Variants in USP7 observed in about 807,000 individuals in gnomAD.
USP7 encodes the protein ubiquitin specific peptidase 7, also known as ubiquitin C-terminal hydrolase 7.
Under a neutral mutation model 162.9 loss-of-function variants are expected in USP7, and 9 were observed. That is an observed-to-expected ratio of 0.06 (90% CI 0.03 to 0.10). The LOEUF (loss-of-function observed/expected upper bound fraction) is 0.10, where lower values mean the gene tolerates loss of function less well. Among genes scored for constraint, USP7 ranks in the 10% least tolerant of loss-of-function variants. The probability of loss-of-function intolerance (pLI) is 1.00; values close to 1 mark genes in which losing one functional copy is unlikely to be tolerated. For synonymous variants in USP7, 562 were observed against 475.9 expected (o/e 1.18, Z -2.35); for missense variants, 715 against 1,373.7 (o/e 0.52, Z 7.58).
rs2061617455 is a variant in USP7 at position 8,892,696 on chromosome 16, T to A, written c.*1302A>T. 1.3e-5 allele frequency: 2 copies of A among 151,538 alleles called. No homozygotes were observed. Among genetic ancestry groups the A allele is most frequent in the Admixed American group, 6.6e-5 (1 of 15,236 alleles). The allele number at this position is 151,538 out of a possible 1,614,324, so 9.4% of individuals were successfully genotyped here. On this transcript the variant is annotated 3_prime_UTR_variant, in exon 31 of 31. Transcript: ENST00000344836. ...AAAGTACATCTCAGTGAAACCTTGT[T>A]ACAAATGCCAAGGTTTCCCAGGCCT... is the stretch of plus-strand genomic sequence containing the variant.
At chr16:8,899,093 C>G (rs1246284982) in intron 23 of USP7, 28 bp downstream of exon 23, 2 of 1,612,352 alleles carry the variant, frequency 1.2e-6, no homozygotes, top group African/African-American at 1.3e-5. Flanking sequence ...CAGTCAAGAC[C>G]AAGCAAGTGT....
chr16:8,946,628 G>A (rs1212800782), intron 1 of USP7, among the ~76,000 whole-genome samples: 3 of 152,176 alleles, frequency 2.0e-5, no homozygotes, highest in African/African-American at 7.2e-5. Flanking sequence ...TAGCTGAACT[G>A]ACACTCTGAA....
chr16:8,900,774 T>C, intron 20 of USP7, 144 bp from the exon 21 acceptor site: 1 of 737,030 alleles, frequency 1.4e-6, no homozygotes, highest in Non-Finnish European at 2.2e-6. Flanking sequence ...AAAAGCTAAA[T>C]GAATAAATCC....
At chr16:8,895,348 C>A (rs1254148236) in intron 27 of USP7, among the ~76,000 whole-genome samples, 198 bp from the exon 28 acceptor site, 1 of 152,182 alleles carries the variant, frequency 6.6e-6, no homozygotes, top group African/African-American at 2.4e-5. Flanking sequence ...TTCCCCCTCC[C>A]CCAAAAAACT....
chr16:8,951,774 T>C (rs1323862579), intron 1 of USP7, among the ~76,000 whole-genome samples: 1 of 152,228 alleles, frequency 6.6e-6, no homozygotes, highest in Non-Finnish European at 1.5e-5. Flanking sequence ...CATGGTTTGC[T>C]TTAGGAATGA....
At chr16:8,912,869 T>C (rs2061970169) in intron 10 of USP7, among the ~76,000 whole-genome samples, 1 of 151,490 alleles carries the variant, frequency 6.6e-6, no homozygotes, top group Non-Finnish European at 1.5e-5. Flanking sequence ...TTTAAAAAGT[T>C]TGAAAATGAA....
At chr16:8,899,029 G>C in intron 23 of USP7, 92 bp downstream of exon 23, 1 of 1,357,520 alleles carries the variant, frequency 7.4e-7, no homozygotes, top group Non-Finnish European at 1.0e-6. Flanking sequence ...GTGAAATGGC[G>C]AGCTAATTAT....
intron 1 of USP7, chr16:8,962,983 G>A (rs758515943): frequency 3.6e-5 from 9 of 248,822 alleles, no homozygotes; most frequent in African/African-American, 6.9e-5. Flanking sequence ...GCGGACGCGA[G>A]GTCGGGACAA....
At chr16:8,913,909 C>A (rs1339425616) in intron 10 of USP7, among the ~76,000 whole-genome samples, 3 of 151,776 alleles carry the variant, frequency 2.0e-5, no homozygotes, top group Non-Finnish European at 4.4e-5. Context: ...CCACCACGCC[C>A]AGCTAATTTG....
rs528757443 is a variant in USP7 at position 8,895,875 on chromosome 16, C to T, written c.2820-134G>A. On this transcript the variant is annotated intron_variant, in intron 26 of 30. Coordinates refer to ENST00000344836, the MANE Select transcript of USP7 (RefSeq NM_003470.3). ...TTTTTTTGAGACAGTCTCAATCTGT[C>T]GCCCAGGCTGGAGTGCAACAGCATG... 3.4e-5 allele frequency: 21 copies of T among 614,320 alleles called. No homozygotes were observed. In the East Asian group the frequency reaches 5.0e-4, roughly 15 times the overall value. The allele number at this position is 614,320 out of a possible 1,614,324, so 38.1% of individuals were successfully genotyped here. A position where few individuals can be genotyped will look rare whatever the true frequency, so the allele number is the denominator to read the frequency against.
rs531249453 is a variant in USP7, at chr16:8,930,638, T to G, written c.80-241A>C. Among the ~76,000 whole-genome samples, 3 of 152,212 alleles carry G rather than the reference T, an allele frequency of 2.0e-5. No homozygotes were observed. In the East Asian group the frequency reaches 5.8e-4, roughly 29 times the overall value. On this transcript the variant is annotated intron_variant, in intron 1 of 30. Transcript: ENST00000344836. ...CTATACCACACTATAATTTGCTTTA[T>G]TTGCAATGATATTCTGCACAAAACT...
chr16:8,947,254 G>T (rs1005258054), intron 1 of USP7, among the ~76,000 whole-genome samples: 3 of 151,918 alleles, frequency 2.0e-5, no homozygotes, highest in Admixed American at 6.6e-5. Flanking sequence ...TACACTTTTG[G>T]AAAATAATTA....
At chr16:8,925,811 A>G (rs1355328378) in intron 2 of USP7, among the ~76,000 whole-genome samples, 3 of 152,240 alleles carry the variant, frequency 2.0e-5, no homozygotes, top group African/African-American at 7.2e-5. Flanking sequence ...CGGGTGTATT[A>G]AAATTTCACC....
intron 3 of USP7, 23 bp from the exon 4 acceptor site, chr16:8,921,318 C>G (rs1897678270): frequency 6.2e-7 from 1 of 1,604,976 alleles, no homozygotes; most frequent in African/African-American, 1.3e-5. Context: ...ATAATCTGAG[C>G]CTTAGTTGAC....
intron 1 of USP7, among the ~76,000 whole-genome samples, chr16:8,932,500 G>C (rs1374942894): frequency 1.3e-5 from 2 of 152,104 alleles, no homozygotes; most frequent in African/African-American, 4.8e-5. Context: ...TGTGGAAGGG[G>C]GTTAAGGAAA....
intron 1 of USP7, among the ~76,000 whole-genome samples, chr16:8,949,331 T>C (rs1235798824): frequency 2.6e-5 from 4 of 152,166 alleles, no homozygotes; most frequent in African/African-American, 9.7e-5. Context: ...GACATAAAAA[T>C]GCAATGCAAT....
chr16:8,898,790 A>G (rs558034235), intron 23 of USP7, 151 bp from the exon 24 acceptor site: 2 of 654,108 alleles, frequency 3.1e-6, no homozygotes, highest in East Asian at 5.5e-5. Flanking sequence ...CCTGTTTCCC[A>G]AGAACTAAGT....
intron 1 of USP7, among the ~76,000 whole-genome samples, chr16:8,952,809 T>TC (rs1346348774): frequency 6.6e-5 from 10 of 150,786 alleles, no homozygotes; most frequent in Non-Finnish European, 2.9e-5. Flanking sequence ...ATCCTGCTAT[T>TC]CCACCCCTCC....
chr16:8,929,405 A>C, intron 2 of USP7: 1 of 447,836 alleles, frequency 2.2e-6, no homozygotes, highest in Non-Finnish European at 4.5e-6. Context: ...TGCCAGGGGT[A>C]AACCGCACTG....
Sources: allele counts gnomAD v4.1 joint callset (sites outside exome capture counted in the v4.1 genomes callset), GRCh38; gene constraint gnomAD v4.1.1; transcripts MANE v1.5; gene names NCBI Gene and HGNC (gene_info 2026-07-23, HGNC 2026-07-21).